NTM: variants seen among roughly 807,000 people sequenced by gnomAD.
NTM encodes neurotrimin, also known as IgLON family member 2.
A neutral mutation model predicts 42.1 loss-of-function variants in NTM; 13 were observed. That is an observed-to-expected ratio of 0.31 (90% confidence interval 0.20 to 0.49). NTM has a LOEUF of 0.49. Ranked by LOEUF, NTM falls within the 20% of genes least tolerant of loss-of-function variation. The probability of loss-of-function intolerance (pLI) is 0.99; values close to 1 mark genes in which losing one functional copy is unlikely to be tolerated. For missense variants in NTM, 373 were observed against 452.8 expected, an observed-to-expected ratio of 0.82 and a Z score of 1.60; for synonymous variants, 187 against 179.2, an observed-to-expected ratio of 1.04 and a Z score of -0.35.
intron 1 of NTM, among the ~76,000 whole-genome samples, chr11:131,669,568 A>G: frequency 6.6e-6 from 1 of 152,168 alleles, no homozygotes; most frequent in East Asian, 1.9e-4. Context: ...CTTGTTGCAC[A>G]GGTGAGGGGG....
intron 2 of NTM, among the ~76,000 whole-genome samples, chr11:132,006,067 A>C (rs1333831810): frequency 6.6e-6 from 1 of 152,050 alleles, no homozygotes; most frequent in East Asian, 1.9e-4. Context: ...CCCTCATCTG[A>C]TTAGGCATGC....
chr11:131,472,752 A>G (rs1281878251), intron 1 of NTM, among the ~76,000 whole-genome samples: 1 of 152,140 alleles, frequency 6.6e-6, no homozygotes, highest in Non-Finnish European at 1.5e-5. Flanking sequence ...CTGAGGTAGT[A>G]TTTAGCATAC....
intron 4 of NTM, among the ~76,000 whole-genome samples, chr11:132,237,641 G>A (rs375571623): frequency 1.3e-5 from 2 of 152,074 alleles, no homozygotes; most frequent in African/African-American, 4.8e-5. Flanking sequence ...GGTGGGGTGC[G>A]TCCCAATGCT....
rs745989673 is a variant in NTM, at chr11:132,002,805, C to T, written c.167+91157C>T. On this transcript the variant is annotated intron_variant, in intron 2 of 8. Transcript: ENST00000683400. This position sits in a 1 kb window ranked among gnomAD's most constrained non-coding sequence, Gnocchi z 4.5. The stretch of plus-strand genomic sequence containing the variant: ...GGAAAAGTGGAGGAAATCATAGTAA[C>T]GATTTATTAAAGTTGAAGATTGAGT... Among the ~76,000 whole-genome samples, 8 of 151,984 alleles carry T rather than the reference C, an allele frequency of 5.3e-5. No individual in the cohort carries two copies. Among genetic ancestry groups the T allele is most frequent in the South Asian group, 2.1e-4 (1 of 4,820 alleles).
At chr11:131,860,154 G>A (rs533575595) in intron 1 of NTM, among the ~76,000 whole-genome samples, 6 of 152,324 alleles carry the variant, frequency 3.9e-5, no homozygotes, top group Admixed American at 1.3e-4. Context: ...TTAGAATTGA[G>A]GGAAGGACAA....
chr11:132,129,374 T>C (rs1003660034), intron 2 of NTM, among the ~76,000 whole-genome samples: 2 of 152,166 alleles, frequency 1.3e-5, no homozygotes, highest in African/African-American at 2.4e-5. Flanking sequence ...CTATCCTCAG[T>C]AAGGTAACAA....
intron 2 of NTM, among the ~76,000 whole-genome samples, chr11:131,948,134 G>A (rs1300489966): frequency 1.3e-5 from 2 of 151,980 alleles, no homozygotes; most frequent in South Asian, 2.1e-4. Flanking sequence ...GGCCGAGGTG[G>A]GCTGATCACG....
chr11:131,508,568 A>G (rs1591872441), intron 1 of NTM, among the ~76,000 whole-genome samples: 1 of 143,926 alleles, frequency 6.9e-6, no homozygotes, highest in African/African-American at 2.6e-5. Flanking sequence ...TCATGCTGCT[A>G]TAAAGACACA....
intron 2 of NTM, among the ~76,000 whole-genome samples, chr11:131,998,158 T>A (rs1224483905): frequency 6.6e-6 from 1 of 152,106 alleles, no homozygotes; most frequent in Non-Finnish European, 1.5e-5. Context: ...GTCATAAAAG[T>A]CCTGACAGGA....
intron 1 of NTM, among the ~76,000 whole-genome samples, chr11:131,756,360 G>A (rs2083330335): frequency 6.6e-6 from 1 of 152,024 alleles, no homozygotes; most frequent in Non-Finnish European, 1.5e-5. Context: ...AAGGCAAGAG[G>A]ACCACTTGAG....
chr11:131,859,401 G>C (rs1260456160), intron 1 of NTM, among the ~76,000 whole-genome samples: 1 of 152,176 alleles, frequency 6.6e-6, no homozygotes, highest in Admixed American at 6.5e-5. Context: ...ATGTGCTACT[G>C]GGAATCCAGG....
chr11:132,211,220 T>C (rs903225872), intron 3 of NTM, among the ~76,000 whole-genome samples: 2 of 152,190 alleles, frequency 1.3e-5, no homozygotes, highest in Non-Finnish European at 2.9e-5. Flanking sequence ...TCTGGGCACA[T>C]GGCAAAACCT....
chr11:131,845,070 G>T (rs908609007), intron 1 of NTM, among the ~76,000 whole-genome samples: 2 of 152,140 alleles, frequency 1.3e-5, no homozygotes, highest in African/African-American at 2.4e-5. Context: ...CTATTAAATA[G>T]GAAATTTGCC....
chr11:131,960,393 G>A (rs1052258267), intron 2 of NTM, among the ~76,000 whole-genome samples: 2 of 152,210 alleles, frequency 1.3e-5, no homozygotes, highest in African/African-American at 2.4e-5. Context: ...TTCCTGCCCT[G>A]TATATCCATG....
intron 7 of NTM, among the ~76,000 whole-genome samples, chr11:132,318,700 A>G (rs1264676054): frequency 6.6e-6 from 1 of 152,158 alleles, no homozygotes; most frequent in Non-Finnish European, 1.5e-5. Context: ...GTAGCCTTTC[A>G]GGAAGGCAGC....
At chr11:132,032,029 T>C (rs1450196912) in intron 2 of NTM, among the ~76,000 whole-genome samples, 2 of 152,170 alleles carry the variant, frequency 1.3e-5, no homozygotes, top group Non-Finnish European at 2.9e-5. Context: ...CTGAAGTCTG[T>C]ATTATGACTG....
At chr11:132,123,950 G>A (rs978048188) in intron 2 of NTM, among the ~76,000 whole-genome samples, 1 of 152,182 alleles carries the variant, frequency 6.6e-6, no homozygotes, top group Non-Finnish European at 1.5e-5. Context: ...CCTGGAGACC[G>A]TCAGTAGGAT....
At chr11:131,977,361 G>T (rs2064559654) in intron 2 of NTM, among the ~76,000 whole-genome samples, 1 of 152,208 alleles carries the variant, frequency 6.6e-6, no homozygotes, top group Non-Finnish European at 1.5e-5. Flanking sequence ...AAAACAATGA[G>T]CTGGTGTATG....
chr11:132,319,463 G>T (rs985143132), intron 7 of NTM, among the ~76,000 whole-genome samples: 1 of 152,220 alleles, frequency 6.6e-6, no homozygotes, highest in Non-Finnish European at 1.5e-5. Context: ...GGCACACCAA[G>T]AGATTATATC....
Sources: gnomAD v4.1 joint callset for allele counts (sites outside exome capture counted in the v4.1 genomes callset) on GRCh38, gnomAD v4.1.1 for gene constraint, Gnocchi (gnomAD v3.1) non-coding constraint, MANE v1.5 for transcripts, NCBI Gene and HGNC (gene_info 2026-07-23, HGNC 2026-07-21) for gene names.